The following AARS1 variants were observed in gnomAD, a reference collection of about 807,000 sequenced individuals.
The protein encoded by AARS1 is alanyl-tRNA synthetase 1.
A neutral mutation model predicts 108.9 loss-of-function variants in AARS1; 72 were observed. That is an observed-to-expected ratio of 0.66 (90% confidence interval 0.55 to 0.80). The LOEUF is 0.80. Among genes scored for constraint, AARS1 ranks in the 30% least tolerant of loss-of-function variants. The probability of loss-of-function intolerance (pLI) is 0.00; values close to 1 mark genes in which losing one functional copy is unlikely to be tolerated. For synonymous variants in AARS1, 489 were observed against 465.7 expected (o/e 1.05, Z -0.64); for missense variants, 1,193 against 1,233.2 (o/e 0.97, Z 0.49).
intron 8 of AARS1, 91 bp downstream of exon 8, chr16:70,268,180 C>G (rs772422283): frequency 8.0e-7 from 1 of 1,252,586 alleles, no homozygotes; most frequent in Non-Finnish European, 1.2e-6. Flanking sequence ...AAAACAGCAA[C>G]AAAAAGCTGC....
chr16:70,269,911 G>T, intron 6 of AARS1, 148 bp from the exon 7 acceptor site: 2 of 1,097,884 alleles, frequency 1.8e-6, no homozygotes, highest in South Asian at 1.3e-5. Context: ...TGACATTGGG[G>T]AAGTAGAGAG....
intron 2 of AARS1, among the ~76,000 whole-genome samples, chr16:70,280,455 C>G (rs550353387): frequency 6.6e-6 from 1 of 152,126 alleles, no homozygotes; most frequent in Admixed American, 6.6e-5. Flanking sequence ...TAATTACAGG[C>G]GCACTGTGCC....
intron 15 of AARS1, among the ~76,000 whole-genome samples, chr16:70,257,296 A>G (rs1337477283): frequency 1.3e-5 from 2 of 151,420 alleles, no homozygotes; most frequent in African/African-American, 2.4e-5. Flanking sequence ...GCACATGCCT[A>G]TAGTCCCAGC....
chr16:70,255,652 GTT>G (rs1959970393), intron 16 of AARS1, 74 bp downstream of exon 16: 1 of 1,315,234 alleles, frequency 7.6e-7, no homozygotes, highest in African/African-American at 1.5e-5. Flanking sequence ...GCAGAGCAGT[GTT>G]TGCTCTATGG....
chr16:70,280,351 A>T (rs1305156140), intron 2 of AARS1, among the ~76,000 whole-genome samples: 1 of 151,928 alleles, frequency 6.6e-6, no homozygotes, highest in Admixed American at 6.6e-5. Context: ...CAAGTAGCAT[A>T]ATTTTTTTGG....
chr16:70,269,485 G>T, intron 7 of AARS1, 133 bp downstream of exon 7: 1 of 1,339,432 alleles, frequency 7.5e-7, no homozygotes, highest in Non-Finnish European at 1.0e-6. Flanking sequence ...AGTGAGGCAA[G>T]ATCACGCCAT....
At position 70,252,528 on chromosome 16, in the gene AARS1, G is replaced by A. The variant is rs922475941; in HGVS notation, c.*193C>T. The A allele has an allele frequency of 3.2e-6, 2 of 629,380 alleles. No homozygotes were observed. Among genetic ancestry groups the A allele is most frequent in the African/African-American group, 1.8e-5 (1 of 54,744 alleles). The allele number at this position is 629,380 out of a possible 1,614,324, so 39.0% of individuals were successfully genotyped here. ...AATGCGGGGTTAGTGGTTCTAGACCGATGGCACTGACGTGGAGGGCTCAGG... is the reference window on the plus strand; with the variant it reads ...AATGCGGGGTTAGTGGTTCTAGACCAATGGCACTGACGTGGAGGGCTCAGG... On this transcript the variant is annotated 3_prime_UTR_variant, in exon 21 of 21. Coordinates refer to ENST00000261772, the MANE Select transcript of AARS1 (RefSeq NM_001605.3).
At chr16:70,286,816 G>A (rs144822737) in intron 1 of AARS1, among the ~76,000 whole-genome samples, 29 of 148,446 alleles carry the variant, frequency 2.0e-4, no homozygotes, top group Non-Finnish European at 4.0e-4. Context: ...ACTCCAGCCT[G>A]GGCAACAGAA....
chr16:70,262,040 C>T lies in AARS1; in HGVS notation c.1671+306G>A, dbSNP rs925265990. ...GGAGACAAAGTAACTCATTCAGCAG[C>T]GGCAGAGCTCGAGGCTGAGTTTTCT... On this transcript the variant is annotated intron_variant, in intron 12 of 20. Transcript: ENST00000261772. Among the ~76,000 whole-genome samples the T allele has an allele frequency of 5.3e-5, 8 of 152,256 alleles. No individual in the cohort carries two copies. In the East Asian group the frequency reaches 7.7e-4, roughly 15 times the overall value.
intron 4 of AARS1, among the ~76,000 whole-genome samples, chr16:70,272,625 A>G (rs1341321164): frequency 3.9e-5 from 6 of 151,902 alleles, no homozygotes; most frequent in African/African-American, 9.6e-5. Context: ...TCGAAACTCA[A>G]TGAAAATACA....
chr16:70,286,347 A>C (rs892698321), intron 1 of AARS1, among the ~76,000 whole-genome samples: 4 of 150,700 alleles, frequency 2.7e-5, no homozygotes, highest in African/African-American at 9.8e-5. Context: ...CTGTGGCTCC[A>C]GCCACTCCAC....
intron 2 of AARS1, 107 bp downstream of exon 2, chr16:70,282,513 A>G: frequency 6.6e-6 from 9 of 1,364,184 alleles, no homozygotes; most frequent in Non-Finnish European, 9.4e-6. Context: ...AAGATCACAC[A>G]GGGAGTGACA....
chr16:70,271,691 G>C, intron 5 of AARS1, 90 bp downstream of exon 5: 1 of 1,312,138 alleles, frequency 7.6e-7, no homozygotes, highest in Non-Finnish European at 1.1e-6. Flanking sequence ...AAAGAAATGA[G>C]CTTTTAGCTG....
intron 8 of AARS1, 57 bp downstream of exon 8, chr16:70,268,214 C>A: frequency 1.3e-6 from 2 of 1,502,398 alleles, no homozygotes; most frequent in South Asian, 2.3e-5. Context: ...CTCTCCCACT[C>A]CATCCCTCTT....
chr16:70,265,197 G>A (rs1221269874), intron 10 of AARS1, 95 bp from the exon 11 acceptor site: 3 of 1,479,530 alleles, frequency 2.0e-6, no homozygotes, highest in Non-Finnish European at 2.8e-6. Flanking sequence ...AGCATAAACT[G>A]CCAGAACAGG....
chr16:70,264,928 C>T, intron 11 of AARS1, 30 bp downstream of exon 11: 1 of 1,613,970 alleles, frequency 6.2e-7, no homozygotes, highest in Non-Finnish European at 8.5e-7. Flanking sequence ...GGGCAGAATG[C>T]TCAGATGTGG....
At chr16:70,253,409 G>C (rs561684380) in intron 19 of AARS1, 28 bp from the exon 20 acceptor site, 6 of 1,562,184 alleles carry the variant, frequency 3.8e-6, no homozygotes, top group Non-Finnish European at 5.3e-6. Context: ...CTCAGGCCAC[G>C]GTGCTGGAGC....
At position 70,279,347 on chromosome 16, in the gene AARS1, T is replaced by A. The variant is rs1427039535; in HGVS notation, c.145-2193A>T. Among the ~76,000 whole-genome samples, 5 of 52,770 alleles carry A rather than the reference T, an allele frequency of 9.5e-5. No individual in the cohort carries two copies. In the Admixed American group the frequency reaches 1.7e-3, roughly 18 times the overall value. 34.6% of individuals were successfully genotyped at this position (52,770 alleles called of 152,430 possible). ...GCTGGGGTGACAGGGCAAAACTTCATCTCAAAAAAAAAAAAAAAAAAAAAA... is the reference window on the plus strand; with the variant it reads ...GCTGGGGTGACAGGGCAAAACTTCAACTCAAAAAAAAAAAAAAAAAAAAAA... On this transcript the variant is annotated intron_variant, in intron 2 of 20. Transcript: ENST00000261772.
At chr16:70,260,686 G>A (rs1405984277) in intron 13 of AARS1, among the ~76,000 whole-genome samples, 7 of 151,800 alleles carry the variant, frequency 4.6e-5, no homozygotes, top group South Asian at 2.1e-4. Flanking sequence ...TTTTTGAGGC[G>A]GAGTCTCGCT....
Sources: allele counts gnomAD v4.1 joint callset (sites outside exome capture counted in the v4.1 genomes callset), GRCh38; gene constraint gnomAD v4.1.1; transcripts MANE v1.5; gene names NCBI Gene and HGNC (gene_info 2026-07-23, HGNC 2026-07-21).